SLC35E1: variants seen among roughly 807,000 people sequenced by gnomAD.
The protein encoded by SLC35E1 is solute carrier family 35 member E1.
SLC35E1 carries 12 observed loss-of-function variants against 31.0 expected under a neutral mutation model. The ratio of observed to expected loss-of-function variants is 0.39; its 90% CI spans 0.25 to 0.63. The LOEUF is 0.63. SLC35E1 is among the 20% of genes least tolerant of loss of function. SLC35E1 has a pLI of 0.52. For missense variants in SLC35E1, 429 were observed against 572.2 expected (o/e 0.75, Z 2.55); for synonymous variants, 257 against 264.1 (o/e 0.97, Z 0.26).
At chr19:16,564,998 AT>A in intron 4 of SLC35E1, 1 of 391,328 alleles carries the variant, frequency 2.6e-6, no homozygotes, top group Non-Finnish European at 5.2e-6. Context: ...AATGTCACAA[AT>A]CCAGCTAGAC....
At position 16,572,156 on chromosome 19, in the gene SLC35E1, C is replaced by T. The variant is rs2085963286; in HGVS notation, c.209G>A (p.Cys70Tyr). 2.0e-6 allele frequency: 3 copies of T among 1,518,936 alleles called. No individual in the cohort carries two copies. The highest frequency in any genetic ancestry group is 2.6e-6 in the Non-Finnish European group (3 of 1,133,844). The allele number at this position is 1,518,936 out of a possible 1,614,324, so 94.1% of individuals were successfully genotyped here. ...TVSLCHILAL[C>Y]AGLPPLLRAW... ...GCGCAGCAGCGGCGGGAGCCCAGCG[C>T]ACAGAGCCAGGATGTGGCACAGCGA... The change falls in exon 1 of 6, where the codon TGC becomes TAC. Residue 70 changes from cysteine (C) to tyrosine (Y), a missense_variant. Physicochemically the swap from Cys to Tyr is radical, Grantham distance 194. Transcript: ENST00000595753. This position sits in a 1 kb window ranked among gnomAD's most constrained non-coding sequence, Gnocchi z 4.1.
In SLC35E1 at chr19:16,553,645, G is replaced by T; in HGVS notation, c.*34C>A. The T allele has an allele frequency of 7.0e-7, 1 of 1,422,532 alleles. No homozygotes were observed. Among genetic ancestry groups the T allele is most frequent in the South Asian group, 1.7e-5 (1 of 59,132 alleles). 88.1% of individuals were successfully genotyped at this position (1,422,532 alleles called of 1,614,324 possible). On this transcript the variant is annotated 3_prime_UTR_variant, in exon 6 of 6. Transcript: ENST00000595753. The stretch of plus-strand genomic sequence containing the variant: ...GATACTGCTGTGGGGGCCGGGGAAG[G>T]AGTCACCAACAGTCTGGTCCTGTCC...
At chr19:16,568,498 T>C (rs2085942811) in intron 2 of SLC35E1, among the ~76,000 whole-genome samples, 1 of 152,246 alleles carries the variant, frequency 6.6e-6, no homozygotes, top group Admixed American at 6.5e-5. Context: ...TTTGAAGCCC[T>C]GATCCTCTAT....
intron 2 of SLC35E1, 48 bp from the exon 3 acceptor site, chr19:16,568,217 G>C: frequency 6.5e-7 from 1 of 1,545,258 alleles, no homozygotes; most frequent in Non-Finnish European, 8.7e-7. Context: ...GACTAGAGCT[G>C]GGCCACATGC....
chr19:16,553,984 G>C (rs940567868), intron 5 of SLC35E1, 75 bp from the exon 6 acceptor site: 1 of 1,338,386 alleles, frequency 7.5e-7, no homozygotes, highest in African/African-American at 1.5e-5. Context: ...CAATCAACTG[G>C]CTGGCTGCGG....
At chr19:16,557,914 C>T (rs965053061) in intron 4 of SLC35E1, among the ~76,000 whole-genome samples, 9 of 152,202 alleles carry the variant, frequency 5.9e-5, no homozygotes, top group Middle Eastern at 3.4e-3. Flanking sequence ...CCTGGGTTCA[C>T]GCCATTCTCC....
At chr19:16,571,710 G>A in intron 1 of SLC35E1, 128 bp from the exon 2 acceptor site, 1 of 1,036,882 alleles carries the variant, frequency 9.6e-7, no homozygotes, top group Non-Finnish European at 1.4e-6. Flanking sequence ...TTTCGGTAGG[G>A]CTTCCTCCTG....
At chr19:16,566,369 C>T (rs758740211) in intron 4 of SLC35E1, 163 bp downstream of exon 4, 1 of 868,292 alleles carries the variant, frequency 1.2e-6, no homozygotes, top group Admixed American at 3.0e-5. Flanking sequence ...CGATGGCGTG[C>T]ATCGTCACCG....
At chr19:16,562,620 T>C (rs918702771) in intron 4 of SLC35E1, among the ~76,000 whole-genome samples, 4 of 27,890 alleles carry the variant, frequency 1.4e-4, no homozygotes, top group African/African-American at 3.4e-4. Context: ...TTCTTTATTA[T>C]AGTATTTTGT....
In SLC35E1 at chr19:16,559,615, T is replaced by C. The variant is rs1454504859; in HGVS notation, c.757-4218A>G. ...TGGCAGTGAGCTGTGATTGTACCACTGCACTCCAGCCTGAGCACAGAATGA... is the reference window on the plus strand; with the variant it reads ...TGGCAGTGAGCTGTGATTGTACCACCGCACTCCAGCCTGAGCACAGAATGA... On this transcript the variant is annotated intron_variant, in intron 4 of 5. Transcript: ENST00000595753. Among the ~76,000 whole-genome samples, 2 of 152,164 alleles carry C rather than the reference T, an allele frequency of 1.3e-5. 1 individual carries two copies. The highest frequency in any genetic ancestry group is 3.8e-4 in the East Asian group (2 of 5,198).
rs1314141004 is a variant in SLC35E1, at chr19:16,553,439, G to A, written c.*240C>T. The A allele has an allele frequency of 5.7e-6, 2 of 350,394 alleles. No individual in the cohort carries two copies. Among genetic ancestry groups the A allele is most frequent in the African/African-American group, 4.2e-5 (2 of 47,720 alleles). 21.7% of individuals were successfully genotyped at this position (350,394 alleles called of 1,614,324 possible). On this transcript the variant is annotated 3_prime_UTR_variant, in exon 6 of 6. Transcript: ENST00000595753. ...ACGGCCCTCAGATGACAGACTCCAG[G>A]AAGAAAGAGCATGAGACACTGGTCT...
chr19:16,564,250 C>G (rs981809746), intron 4 of SLC35E1: 4 of 152,372 alleles, frequency 2.6e-5, no homozygotes, highest in Non-Finnish European at 5.9e-5. Flanking sequence ...ACCCACAGTG[C>G]TAGAAGGGCA....
At chr19:16,558,238 T>G (rs895815374) in intron 4 of SLC35E1, among the ~76,000 whole-genome samples, 1 of 152,064 alleles carries the variant, frequency 6.6e-6, no homozygotes, top group African/African-American at 2.4e-5. Flanking sequence ...GAGATGGGGT[T>G]TCACCATGTT....
At chr19:16,567,746 G>T (rs989415287) in intron 3 of SLC35E1, among the ~76,000 whole-genome samples, 1 of 151,950 alleles carries the variant, frequency 6.6e-6, no homozygotes, top group East Asian at 1.9e-4. Flanking sequence ...TAGAGATGGG[G>T]TTTTGCCATA....
intron 1 of SLC35E1, 129 bp from the exon 2 acceptor site, chr19:16,571,711 C>A: frequency 1.9e-6 from 2 of 1,037,132 alleles, no homozygotes; most frequent in African/African-American, 1.6e-5. Context: ...TTCGGTAGGG[C>A]TTCCTCCTGC....
In SLC35E1 at chr19:16,569,846, A is replaced by G. The variant is rs368342027; in HGVS notation, c.492+1666T>C. Among the ~76,000 whole-genome samples, 151 of 152,336 alleles carry G rather than the reference A, an allele frequency of 9.9e-4. 2 individuals carry two copies. In the South Asian group the frequency reaches 0.03, roughly 31 times the overall value. ...GCAACAGAGGGAGACTCCGTCTCAG[A>G]AAAACAAACACTCTTAAGGAGAGAT... On this transcript the variant is annotated intron_variant, in intron 2 of 5. Coordinates refer to ENST00000595753, the MANE Select transcript of SLC35E1 (RefSeq NM_024881.5).
chr19:16,552,026 G>A lies in SLC35E1; in HGVS notation c.*1653C>T, dbSNP rs892045563. 6.6e-6 allele frequency: 1 copy of A among 152,010 alleles called. No individual in the cohort carries two copies. Among genetic ancestry groups the A allele is most frequent in the Admixed American group, 6.6e-5 (1 of 15,250 alleles). The allele number at this position is 152,010 out of a possible 1,614,324, so 9.4% of individuals were successfully genotyped here. On this transcript the variant is annotated 3_prime_UTR_variant, in exon 6 of 6. Transcript: ENST00000595753. ...CCCAAAGTGCTGAGATTACAGGCATGAGCCACCACGCCTGGCCCCAAACTG... is the reference window on the plus strand; with the variant it reads ...CCCAAAGTGCTGAGATTACAGGCATAAGCCACCACGCCTGGCCCCAAACTG...
intron 4 of SLC35E1, chr19:16,565,215 C>CT (rs1000361243): frequency 0.049 from 16,327 of 333,746 alleles, no homozygotes; most frequent in South Asian, 0.074. Context: ...TTCTTTCTTT[C>CT]TTTTTTTTTT....
At position 16,553,587 on chromosome 19, in the gene SLC35E1, G is replaced by T; in HGVS notation, c.*92C>A. On this transcript the variant is annotated 3_prime_UTR_variant, in exon 6 of 6. Coordinates refer to ENST00000595753, the MANE Select transcript of SLC35E1 (RefSeq NM_024881.5). ...AGAGTTATGCACCGTCCCCTCGGCTGGGTTGTACATTCACTGATTGTCAGA... is the reference window on the plus strand; with the variant it reads ...AGAGTTATGCACCGTCCCCTCGGCTTGGTTGTACATTCACTGATTGTCAGA... 8.3e-7 allele frequency: 1 copy of T among 1,211,894 alleles called. No individual in the cohort carries two copies. Among genetic ancestry groups the T allele is most frequent in the South Asian group, 1.9e-5 (1 of 51,838 alleles). The allele number at this position is 1,211,894 out of a possible 1,614,324, so 75.1% of individuals were successfully genotyped here. A position where few individuals can be genotyped will look rare whatever the true frequency, so the allele number is the denominator to read the frequency against.
Sources: gnomAD v4.1 joint callset for allele counts (sites outside exome capture counted in the v4.1 genomes callset) on GRCh38, gnomAD v4.1.1 for gene constraint, Gnocchi (gnomAD v3.1) non-coding constraint, MANE v1.5 for transcripts, NCBI Gene and HGNC (gene_info 2026-07-23, HGNC 2026-07-21) for gene names.